The following RXRA variants were observed in gnomAD, a reference collection of about 807,000 sequenced individuals.
The protein encoded by RXRA is retinoic acid receptor RXR-alpha.
In RXRA, 5 loss-of-function variants were observed where a neutral mutation model predicts 44.5. The observed-to-expected ratio is 0.11, with a 90% CI of 0.06 to 0.24. The LOEUF is 0.24. RXRA is among the 10% of genes least tolerant of loss of function. The pLI is 1.00. For missense variants in RXRA, 412 were observed against 646.5 expected, an observed-to-expected ratio of 0.64 and a Z score of 3.93; for synonymous variants, 291 against 271.4, an observed-to-expected ratio of 1.07 and a Z score of -0.71.
At chr9:134,344,622 T>G (rs1830128041) in intron 1 of RXRA, among the ~76,000 whole-genome samples, 1 of 152,148 alleles carries the variant, frequency 6.6e-6, no homozygotes, top group Non-Finnish European at 1.5e-5. Context: ...CTCCCGGGCC[T>G]CTGAGAACTG....
chr9:134,326,655 G>A lies in RXRA; in HGVS notation c.24G>A (p.Pro8=). The change falls in exon 1 of 10, where the codon CCG becomes CCA. Residue 8 remains proline (P), a synonymous_variant. Transcript: ENST00000481739. ...ACATGGACACCAAACATTTCCTGCCGCTCGGTGAGTGCTCGCCGGGCCGGG... is the reference window on the plus strand; with the variant it reads ...ACATGGACACCAAACATTTCCTGCCACTCGGTGAGTGCTCGCCGGGCCGGG... MDTKHFL[P]LDFSTQVNSS... 1.0e-6 allele frequency: 1 copy of A among 962,874 alleles called. No individual in the cohort carries two copies. The allele number at this position is 962,874 out of a possible 1,614,324, so 59.6% of individuals were successfully genotyped here.
intron 1 of RXRA, among the ~76,000 whole-genome samples, chr9:134,394,271 G>A (rs377273980): frequency 6.6e-6 from 1 of 152,022 alleles, no homozygotes; most frequent in Non-Finnish European, 1.5e-5. Context: ...CGGTGATGTT[G>A]ATGGCAGTGA....
chr9:134,434,051 C>A, intron 8 of RXRA, 51 bp from the exon 9 acceptor site: 2 of 1,432,208 alleles, frequency 1.4e-6, no homozygotes, highest in South Asian at 1.2e-5. Flanking sequence ...GGGGCAGGTG[C>A]CCGAGACACG....
rs573191962 is a variant in RXRA, at chr9:134,422,665, C to A, written c.910+860C>A. 3 of 983,978 alleles carry A rather than the reference C, an allele frequency of 3.0e-6. No individual in the cohort carries two copies. In the South Asian group the frequency reaches 1.4e-4, roughly 46 times the overall value. The allele number at this position is 983,978 out of a possible 1,614,324, so 61.0% of individuals were successfully genotyped here. On this transcript the variant is annotated intron_variant, in intron 6 of 9. Coordinates refer to ENST00000481739, the MANE Select transcript of RXRA (RefSeq NM_002957.6). ...CCGGACACTCCCCACTCCCCGGACA[C>A]TCCCCACTCCCGGGACACTCCCCCG...
intron 1 of RXRA, among the ~76,000 whole-genome samples, chr9:134,335,991 G>A (rs932393252): frequency 2.0e-5 from 3 of 152,224 alleles, no homozygotes; most frequent in African/African-American, 4.8e-5. Flanking sequence ...CCCGGAGGGA[G>A]GAAAACAGCT....
At chr9:134,428,940 A>G (rs986740256) in intron 6 of RXRA, among the ~76,000 whole-genome samples, 168 bp from the exon 7 acceptor site, 3 of 152,174 alleles carry the variant, frequency 2.0e-5, no homozygotes, top group Non-Finnish European at 4.4e-5. Context: ...TAGAACGGGC[A>G]TTCTCAGGAA....
intron 1 of RXRA, among the ~76,000 whole-genome samples, chr9:134,359,173 T>G (rs1588262873): frequency 6.6e-6 from 1 of 152,072 alleles, no homozygotes; most frequent in South Asian, 2.1e-4. Flanking sequence ...TGCTCACATC[T>G]GAGGGCACGG....
intron 1 of RXRA, among the ~76,000 whole-genome samples, chr9:134,340,556 G>T (rs934580576): frequency 5.3e-5 from 8 of 152,186 alleles, no homozygotes; most frequent in African/African-American, 1.7e-4. Context: ...GGCCTACAGC[G>T]TGGCAGGTAT....
At position 134,332,834 on chromosome 9, in the gene RXRA, T is replaced by A. The variant is rs1835026448; in HGVS notation, c.28+6175T>A. 2.0e-5 allele frequency among the ~76,000 whole-genome samples: 3 copies of A among 152,046 alleles called. No homozygotes were observed. In the South Asian group the frequency reaches 6.2e-4, roughly 31 times the overall value. ...GTGGCTCACTGGTTTCAGGTGGGCCTTGGGGCCCCTGTGAATGGCCTTGCA... is the reference window on the plus strand; with the variant it reads ...GTGGCTCACTGGTTTCAGGTGGGCCATGGGGCCCCTGTGAATGGCCTTGCA... On this transcript the variant is annotated intron_variant, in intron 1 of 9. Transcript: ENST00000481739.
At chr9:134,396,561 G>T (rs1217472720) in intron 1 of RXRA, among the ~76,000 whole-genome samples, 5 of 152,068 alleles carry the variant, frequency 3.3e-5, no homozygotes, top group Non-Finnish European at 5.9e-5. Context: ...ACGTTGCAGG[G>T]ACCGGGAGCA....
At chr9:134,386,330 C>T (rs967166335) in intron 1 of RXRA, among the ~76,000 whole-genome samples, 3 of 152,246 alleles carry the variant, frequency 2.0e-5, no homozygotes, top group African/African-American at 4.8e-5. Context: ...GCTGCACCTC[C>T]TTGCCTCTCT....
At chr9:134,419,923 C>T (rs969825146) in intron 5 of RXRA, among the ~76,000 whole-genome samples, 3 of 152,280 alleles carry the variant, frequency 2.0e-5, no homozygotes, top group South Asian at 2.1e-4. Flanking sequence ...TCCCTGTGGC[C>T]GGCTGTGCAC....
chr9:134,351,347 A>G (rs570555750), intron 1 of RXRA, among the ~76,000 whole-genome samples: 1 of 152,320 alleles, frequency 6.6e-6, no homozygotes, highest in Non-Finnish European at 1.5e-5. Context: ...AGCAGCGGGC[A>G]GAGGGGAGGG....
intron 1 of RXRA, among the ~76,000 whole-genome samples, chr9:134,390,826 C>T (rs1467598671): frequency 6.6e-6 from 1 of 152,180 alleles, no homozygotes; most frequent in Non-Finnish European, 1.5e-5. Flanking sequence ...CTGCACATGA[C>T]AGGCATCCGG....
chr9:134,336,922 C>T (rs552349768), intron 1 of RXRA, among the ~76,000 whole-genome samples: 16 of 152,248 alleles, frequency 1.1e-4, no homozygotes, highest in African/African-American at 3.1e-4. Context: ...AGCTCGGTGT[C>T]GGTTTCTGGG....
At chr9:134,395,070 C>T (rs1272723218) in intron 1 of RXRA, among the ~76,000 whole-genome samples, 1 of 152,250 alleles carries the variant, frequency 6.6e-6, no homozygotes, top group South Asian at 2.1e-4. Flanking sequence ...CCTGACCGAC[C>T]TGGCCTGGCT....
At chr9:134,409,219 G>A in intron 4 of RXRA, 100 bp downstream of exon 4, 1 of 1,224,080 alleles carries the variant, frequency 8.2e-7, no homozygotes, top group Non-Finnish European at 1.1e-6. Context: ...GGGAGTGAGT[G>A]GCCTGGACAG....
chr9:134,350,614 C>T (rs1405374505), intron 1 of RXRA, among the ~76,000 whole-genome samples: 3 of 152,218 alleles, frequency 2.0e-5, no homozygotes, highest in Non-Finnish European at 4.4e-5. Context: ...CTCACCCACA[C>T]GGGGAGCCTG....
At chr9:134,377,109 TG>T (rs1830567823) in intron 1 of RXRA, among the ~76,000 whole-genome samples, 1 of 152,218 alleles carries the variant, frequency 6.6e-6, no homozygotes, top group Non-Finnish European at 1.5e-5. Context: ...TGGCCAGTCT[TG>T]CTCAGCCTTT....
Sources: gnomAD v4.1 joint callset for allele counts (sites outside exome capture counted in the v4.1 genomes callset) on GRCh38, gnomAD v4.1.1 for gene constraint, MANE v1.5 for transcripts, NCBI Gene and HGNC (gene_info 2026-07-23, HGNC 2026-07-21) for gene names.